Variants in SCP2 observed in about 807,000 individuals in gnomAD.
SCP2 encodes the protein sterol carrier protein 2.
Under a neutral mutation model 71.4 loss-of-function variants are expected in SCP2, and 48 were observed. That is an observed-to-expected ratio of 0.67 (90% CI 0.53 to 0.86). The LOEUF is 0.86. Among genes scored for constraint, SCP2 ranks in the 40% least tolerant of loss-of-function variants. The pLI is 0.00. For missense variants in SCP2, 560 were observed against 655.6 expected (o/e 0.85, Z 1.59); for synonymous variants, 220 against 218.1 (o/e 1.01, Z -0.08).
intron 12 of SCP2, among the ~76,000 whole-genome samples, chr1:53,026,941 C>CT (rs758073714): frequency 0.02 from 2,685 of 133,938 alleles, 96 homozygotes; most frequent in African/African-American, 0.067. Context: ...AACTGCTGCA[C>CT]TTTTTTTTTT....
chr1:53,049,608 C>A (rs191228641), intron 15 of SCP2: 11 of 152,264 alleles, frequency 7.2e-5, no homozygotes, highest in African/African-American at 2.2e-4. Flanking sequence ...AGAAAGGTGG[C>A]GAGTTTCTCC....
At chr1:53,030,295 AGTGCTGTAATAAATTTCCTGTT>A (rs1283708787) in intron 13 of SCP2, among the ~76,000 whole-genome samples, 1 of 152,194 alleles carries the variant, frequency 6.6e-6, no homozygotes, top group Non-Finnish European at 1.5e-5. Context: ...CAAGTAAAAC[AGTGCTGTAATAAATTTCCTGTT>A]GCACTCATAT....
At chr1:52,981,526 T>A (rs2150175642) in intron 10 of SCP2, among the ~76,000 whole-genome samples, 1 of 148,936 alleles carries the variant, frequency 6.7e-6, no homozygotes, top group Admixed American at 6.7e-5. Context: ...AACTTCTGCC[T>A]CCTGGGTTCA....
intron 11 of SCP2, among the ~76,000 whole-genome samples, chr1:52,991,791 C>G (rs1659532054): frequency 2.6e-5 from 4 of 151,424 alleles, no homozygotes; most frequent in Admixed American, 2.0e-4. Context: ...TTTGTGATAA[C>G]AGATCAATTT....
At chr1:53,025,897 G>A (rs1003672680) in intron 12 of SCP2, among the ~76,000 whole-genome samples, 5 of 152,126 alleles carry the variant, frequency 3.3e-5, no homozygotes, top group African/African-American at 1.2e-4. Flanking sequence ...CATTTGGCCT[G>A]CCTAGTTCTC....
intron 1 of SCP2, among the ~76,000 whole-genome samples, chr1:52,935,171 C>T (rs1037482770): frequency 1.3e-5 from 2 of 151,858 alleles, no homozygotes; most frequent in East Asian, 3.9e-4. Context: ...GAGGCTGAGG[C>T]AGGAGAATTG....
chr1:52,982,617 T>C (rs1221787077), intron 10 of SCP2, among the ~76,000 whole-genome samples: 1 of 152,090 alleles, frequency 6.6e-6, no homozygotes, highest in Non-Finnish European at 1.5e-5. Context: ...ACCACTGCGA[T>C]AAGAATTATA....
At chr1:52,959,772 CT>C (rs1656166796) in intron 5 of SCP2, among the ~76,000 whole-genome samples, 1 of 152,032 alleles carries the variant, frequency 6.6e-6, no homozygotes, top group African/African-American at 2.4e-5. Flanking sequence ...TTTCCCTTCC[CT>C]TCTTCTGGTG....
intron 12 of SCP2, among the ~76,000 whole-genome samples, chr1:53,027,330 A>G (rs983383614): frequency 2.0e-5 from 3 of 151,302 alleles, no homozygotes; most frequent in Non-Finnish European, 4.4e-5. Context: ...GTAGGATTAC[A>G]GGTGTGAGCC....
intron 7 of SCP2, among the ~76,000 whole-genome samples, chr1:52,975,686 T>G (rs1341888313): frequency 1.3e-5 from 2 of 152,242 alleles, no homozygotes; most frequent in African/African-American, 4.8e-5. Context: ...GTTGGCTGAA[T>G]TGCAGGTGAT....
chr1:52,967,297 C>T (rs1657055952), intron 6 of SCP2, among the ~76,000 whole-genome samples: 1 of 151,324 alleles, frequency 6.6e-6, no homozygotes, highest in Non-Finnish European at 1.5e-5. Context: ...ATAATCTGGG[C>T]CTGGTTCTTT....
chr1:52,961,286 T>C (rs1656421684), intron 5 of SCP2, among the ~76,000 whole-genome samples: 1 of 146,178 alleles, frequency 6.8e-6, no homozygotes, highest in Non-Finnish European at 1.5e-5. Flanking sequence ...GCCCAATAAA[T>C]ATTTCTTGAA....
rs900132155 is a variant in SCP2, at chr1:53,031,713, T to G, written c.1338+3642T>G. On this transcript the variant is annotated intron_variant, in intron 13 of 15. Coordinates refer to ENST00000371514, the MANE Select transcript of SCP2 (RefSeq NM_002979.5). ...TCTCCTCATCAGTTTCCTTACCCTCTCTCACTCCCACTTCAATTGAAAATG... is the reference window on the plus strand; with the variant it reads ...TCTCCTCATCAGTTTCCTTACCCTCGCTCACTCCCACTTCAATTGAAAATG... Among the ~76,000 whole-genome samples, 5 of 152,240 alleles carry G rather than the reference T, an allele frequency of 3.3e-5. No individual in the cohort carries two copies. The East Asian group carries it at 9.6e-4, about 29-fold the overall frequency.
At chr1:52,987,002 ATATATTTTT>A (rs1659045003) in intron 10 of SCP2, among the ~76,000 whole-genome samples, 1 of 92,754 alleles carries the variant, frequency 1.1e-5, no homozygotes, top group African/African-American at 4.8e-5. Flanking sequence ...ATATATATAT[ATATATTTTT>A]TTTTTTTTTT....
chr1:53,006,401 G>A (rs1660640664), intron 11 of SCP2, among the ~76,000 whole-genome samples: 1 of 152,112 alleles, frequency 6.6e-6, no homozygotes, highest in Non-Finnish European at 1.5e-5. Context: ...TACCCACAAA[G>A]GGAAGCCCAA....
intron 11 of SCP2, 74 bp from the exon 12 acceptor site, chr1:53,014,816 A>G: frequency 6.5e-7 from 1 of 1,546,956 alleles, no homozygotes. Flanking sequence ...CTTTAATTTA[A>G]AGTCACAAAC....
chr1:52,960,840 C>T (rs1656362346), intron 5 of SCP2, among the ~76,000 whole-genome samples: 1 of 148,908 alleles, frequency 6.7e-6, no homozygotes, highest in Admixed American at 6.7e-5. Context: ...GCAATCTTCA[C>T]CTCCTGGGTT....
intron 8 of SCP2, among the ~76,000 whole-genome samples, chr1:52,977,928 T>C (rs189818442): frequency 6.7e-6 from 1 of 150,318 alleles, no homozygotes; most frequent in African/African-American, 2.4e-5. Context: ...ATAACACCAT[T>C]ATACTCCAGC....
intron 6 of SCP2, among the ~76,000 whole-genome samples, chr1:52,970,577 C>T (rs1657378324): frequency 6.6e-6 from 1 of 152,022 alleles, no homozygotes; most frequent in African/African-American, 2.4e-5. Flanking sequence ...TTTAAGATTC[C>T]CACCTCAGAT....
Sources: gnomAD v4.1 joint callset for allele counts (sites outside exome capture counted in the v4.1 genomes callset) on GRCh38, gnomAD v4.1.1 for gene constraint, MANE v1.5 for transcripts, NCBI Gene and HGNC (gene_info 2026-07-23, HGNC 2026-07-21) for gene names.